The following CENPT variants were observed in gnomAD, a reference collection of about 807,000 sequenced individuals.
The protein encoded by CENPT is interphase centromere complex protein 22.
In CENPT, 42 loss-of-function variants were observed where a neutral mutation model predicts 59.7. The observed-to-expected ratio is 0.70, with a 90% CI of 0.55 to 0.91. CENPT has a LOEUF of 0.91. Ranked by LOEUF, CENPT falls within the 40% of genes least tolerant of loss-of-function variation. CENPT has a pLI of 0.00. For missense variants in CENPT, 716 were observed against 713.4 expected (o/e 1.00, Z -0.04); for synonymous variants, 295 against 289.6 (o/e 1.02, Z -0.19).
chr16:67,845,577 C>T (rs1287716169), intron 1 of CENPT, among the ~76,000 whole-genome samples: 2 of 152,212 alleles, frequency 1.3e-5, no homozygotes, highest in Admixed American at 6.5e-5. Context: ...TCCAGCCATG[C>T]TCTTCAGTGT....
intron 1 of CENPT, chr16:67,846,893 G>C (rs2057804124): frequency 6.6e-6 from 1 of 152,388 alleles, no homozygotes; most frequent in South Asian, 2.1e-4. Flanking sequence ...GAGTGCAGCG[G>C]GGCGGGCGAA....
Position 67,833,826 on chromosome 16 carries a change from G to C in CENPT, c.34C>G (p.Pro12Ala). The change falls in exon 4 of 16, where the codon CCG becomes GCG. Residue 12 changes from proline to alanine, a missense_variant. By Grantham distance (27) the Pro-to-Ala change is conservative (BLOSUM62 -1). Transcript: ENST00000562787. ...AGCACGCGTCGCAGCAGCGTGCGCG[G>C]CGTGGAGTCGCTGTCAGGGTTGTGG... Reference protein sequence around the residue: ...ADHNPDSDSTPRTLLRRVLDT... With the variant: ...ADHNPDSDSTARTLLRRVLDT... 3 of 1,573,464 alleles carry C rather than the reference G, an allele frequency of 1.9e-6. No homozygotes were observed. Among genetic ancestry groups the C allele is most frequent in the Non-Finnish European group, 2.6e-6 (3 of 1,162,250 alleles).
chr16:67,842,575 C>T lies in CENPT; in HGVS notation c.-492+4826G>A, dbSNP rs1156649062. 1 of 1,538,200 alleles carries T rather than the reference C, an allele frequency of 6.5e-7. No individual in the cohort carries two copies. The highest frequency in any genetic ancestry group is 8.8e-7 in the Non-Finnish European group (1 of 1,138,846). On this transcript the variant is annotated intron_variant, in intron 1 of 15. Transcript: ENST00000562787. The surrounding 1 kb of genome is among the most constrained non-coding windows in gnomAD (Gnocchi z 4.9). ...CAGCCATGCCTGGCTTTACGTGCTGCGTGCCAGGCTGCTACAACAACTCGC... is the reference window on the plus strand; with the variant it reads ...CAGCCATGCCTGGCTTTACGTGCTGTGTGCCAGGCTGCTACAACAACTCGC...
At chr16:67,838,576 C>G (rs954235935) in intron 1 of CENPT, among the ~76,000 whole-genome samples, 1 of 147,854 alleles carries the variant, frequency 6.8e-6, no homozygotes, top group Non-Finnish European at 1.5e-5. Flanking sequence ...GAGCCGAGAT[C>G]GTGCCATTGC....
Position 67,830,509 on chromosome 16 carries a change from A to G in CENPT, c.743T>C (p.Met248Thr). 1 of 1,614,084 alleles carries G rather than the reference A, an allele frequency of 6.2e-7. No individual in the cohort carries two copies. Among genetic ancestry groups the G allele is most frequent in the Non-Finnish European group, 8.5e-7 (1 of 1,180,004 alleles). Residue 248 changes from methionine (M) to threonine (T), a missense_variant, in exon 11 of 16, where the codon ATG (methionine) becomes ACG (threonine). Coordinates refer to ENST00000562787, the MANE Select transcript of CENPT (RefSeq NM_025082.4). Reference protein sequence around the residue: ...LEDTQPFSQPMVGSPNVYHSL... With the variant: ...LEDTQPFSQPTVGSPNVYHSL... ...GTGATACACGTTGGGGGAGCCAACCATGGGCTGAGAGAACGGCTGGGTGTC... is the reference window on the plus strand; with the variant it reads ...GTGATACACGTTGGGGGAGCCAACCGTGGGCTGAGAGAACGGCTGGGTGTC...
rs779478818 is a variant in CENPT, at chr16:67,830,427, G to A, written c.825C>T (p.Arg275=). ...GAEDAEQAAG[R]KTQSSGPGLQ... ...GCCCAGGCCCACTGCTCTGTGTCTT[G>A]CGACCGGCAGCCTGCTCAGCGTCTT... Residue 275 remains arginine, a synonymous_variant, in exon 11 of 16, where the codon CGC becomes CGT. Transcript: ENST00000562787. 1 of 1,613,998 alleles carries A rather than the reference G, an allele frequency of 6.2e-7. No individual in the cohort carries two copies.
intron 4 of CENPT, 67 bp from the exon 5 acceptor site, chr16:67,832,612 C>T (rs1275023214): frequency 7.8e-6 from 11 of 1,409,246 alleles, no homozygotes; most frequent in African/African-American, 1.4e-5. Flanking sequence ...AGAGACATGC[C>T]TTCATCAGGG....
chr16:67,840,689 C>T (rs537849559), intron 1 of CENPT, among the ~76,000 whole-genome samples: 2 of 151,864 alleles, frequency 1.3e-5, no homozygotes, highest in East Asian at 3.9e-4. Flanking sequence ...CGCGGTGACA[C>T]GAGTTCACCT....
chr16:67,847,512 C>T lies in CENPT; in HGVS notation c.-603G>A, dbSNP rs1276648659. On this transcript the variant is annotated 5_prime_UTR_variant, in exon 1 of 16. An upstream start codon of the reference 5' UTR is lost. Transcript: ENST00000562787. ...TTGGGCCCCTCACCCTGTTCCCGAC[C>T]ATAGCCCGGCCGGGGTGTAGGTGAA... is the stretch of plus-strand genomic sequence containing the variant. The T allele has an allele frequency of 6.6e-6, 1 of 152,366 alleles. No homozygotes were observed. Among genetic ancestry groups the T allele is most frequent in the Non-Finnish European group, 1.5e-5 (1 of 68,146 alleles). 9.4% of individuals were successfully genotyped at this position (152,366 alleles called of 1,614,324 possible).
chr16:67,845,883 T>C (rs2095523688), intron 1 of CENPT, among the ~76,000 whole-genome samples: 1 of 152,230 alleles, frequency 6.6e-6, no homozygotes, highest in South Asian at 2.1e-4. Flanking sequence ...ACCAGCCATC[T>C]CTTGGAGGGG....
chr16:67,830,556 C>A lies in CENPT; in HGVS notation c.704-8G>T. ...TGTCCTCCAACACAATGTCTGTGGG[C>A]AGAGTAGTAACAGGTTCTGAGGCTG... On this transcript the variant is annotated splice_region_variant and splice_polypyrimidine_tract_variant and intron_variant, in intron 10 of 15. Coordinates refer to ENST00000562787, the MANE Select transcript of CENPT (RefSeq NM_025082.4). The A allele has an allele frequency of 6.2e-7, 1 of 1,613,606 alleles. No homozygotes were observed. Among genetic ancestry groups the A allele is most frequent in the Non-Finnish European group, 8.5e-7 (1 of 1,179,822 alleles).
At chr16:67,833,294 G>A (rs1423811821) in intron 4 of CENPT, among the ~76,000 whole-genome samples, 1 of 152,246 alleles carries the variant, frequency 6.6e-6, no homozygotes, top group Admixed American at 6.5e-5. Flanking sequence ...GTAAGACAAT[G>A]AGCAGGAACA....
In CENPT at chr16:67,842,779, C is replaced by T. The variant is rs1443352955; in HGVS notation, c.-492+4622G>A. ...GCGGCCGCAAGACCTACACGGTACGCGTCCCCACCATCTTCCCGCTGCGCG... is the reference window on the plus strand; with the variant it reads ...GCGGCCGCAAGACCTACACGGTACGTGTCCCCACCATCTTCCCGCTGCGCG... On this transcript the variant is annotated intron_variant, in intron 1 of 15. Coordinates refer to ENST00000562787, the MANE Select transcript of CENPT (RefSeq NM_025082.4). This position sits in a 1 kb window ranked among gnomAD's most constrained non-coding sequence, Gnocchi z 4.9. 1.2e-6 allele frequency: 2 copies of T among 1,610,952 alleles called. No homozygotes were observed. Among genetic ancestry groups the T allele is most frequent in the Non-Finnish European group, 1.7e-6 (2 of 1,178,896 alleles).
chr16:67,830,357 T>C, intron 11 of CENPT, 33 bp downstream of exon 11: 1 of 1,583,738 alleles, frequency 6.3e-7, no homozygotes, highest in Middle Eastern at 1.7e-4. Context: ...CCAAGCTAAA[T>C]TTGGCTCCAG....
Position 67,843,167 on chromosome 16 carries a change from G to A in CENPT, c.-492+4234C>T. The A allele has an allele frequency of 1.2e-6, 2 of 1,609,582 alleles. No individual in the cohort carries two copies. Among genetic ancestry groups the A allele is most frequent in the Non-Finnish European group, 1.7e-6 (2 of 1,179,486 alleles). ...TGCAGCCGCAGAGGGCGCAGCCGCT[G>A]CGGCCGCCGCGTCGGAGTTACAGGC... is the stretch of plus-strand genomic sequence containing the variant. On this transcript the variant is annotated intron_variant, in intron 1 of 15. Transcript: ENST00000562787. The surrounding 1 kb of genome is among the most constrained non-coding windows in gnomAD (Gnocchi z 5.7).
chr16:67,837,861 A>C (rs1002432512), intron 1 of CENPT, among the ~76,000 whole-genome samples: 1 of 152,216 alleles, frequency 6.6e-6, no homozygotes, highest in Non-Finnish European at 1.5e-5. Flanking sequence ...GGCTAGACTA[A>C]TATGGGGTCT....
rs139987005 is a variant in CENPT, at chr16:67,843,077, C to G, written c.-492+4324G>C. 1,135 of 1,611,480 alleles carry G rather than the reference C, an allele frequency of 7.0e-4. 3 individuals are homozygous for G. The highest frequency in any genetic ancestry group is 8.3e-4 in the Middle Eastern group (5 of 6,060). ...CAGTCAGGCTCCGGGATCCGTACAG[C>G]CGGCGCCCATCACTCCCACTGGAGA... On this transcript the variant is annotated intron_variant, in intron 1 of 15. Transcript: ENST00000562787. This position sits in a 1 kb window ranked among gnomAD's most constrained non-coding sequence, Gnocchi z 5.7.
Position 67,832,106 on chromosome 16 carries a change from G to T in CENPT, c.292C>A (p.Pro98Thr). Residue 98 changes from proline (P) to threonine (T), a missense_variant and splice_region_variant, in exon 7 of 16, where the codon CCA (proline) becomes ACA (threonine). Coordinates refer to ENST00000562787, the MANE Select transcript of CENPT (RefSeq NM_025082.4). ...TLLKNILLTA[P>T]ESSILMPESV... Reference sequence around the variant, plus strand: ...TCAGGCATCAGGATGGAAGATTCTGGGGCTGCAGAAACACCAAGGAGAGGG... The same window carrying T: ...TCAGGCATCAGGATGGAAGATTCTGTGGCTGCAGAAACACCAAGGAGAGGG... 6.2e-7 allele frequency: 1 copy of T among 1,611,594 alleles called. No homozygotes were observed. Among genetic ancestry groups the T allele is most frequent in the Non-Finnish European group, 8.5e-7 (1 of 1,178,164 alleles).
rs1451803907 is a variant in CENPT at position 67,831,430 on chromosome 16, G to T, written c.561-72C>A. On this transcript the variant is annotated intron_variant, in intron 9 of 15. Transcript: ENST00000562787. ...AGTTTGCCCACAGATCCCTCCATCT[G>T]CCCTGGGGCTCTCATCTCTTAGAAC... The T allele has an allele frequency of 6.0e-5, 95 of 1,578,548 alleles. 1 individual carries two copies. The South Asian group carries it at 9.5e-4, about 16-fold the overall frequency.
Sources: allele counts gnomAD v4.1 joint callset (sites outside exome capture counted in the v4.1 genomes callset), GRCh38; gene constraint gnomAD v4.1.1; non-coding constraint Gnocchi (gnomAD v3.1); transcripts MANE v1.5; gene names NCBI Gene and HGNC (gene_info 2026-07-23, HGNC 2026-07-21).